RICTOR: variants seen among roughly 807,000 people sequenced by gnomAD.
RICTOR encodes RPTOR independent companion of MTOR complex 2, also known as rapamycin-insensitive companion of mTOR.
RICTOR carries 49 observed loss-of-function variants against 214.9 expected under a neutral mutation model. The ratio of observed to expected loss-of-function variants is 0.23; its 90% CI spans 0.18 to 0.29. The LOEUF is 0.29. Among genes scored for constraint, RICTOR ranks in the 10% least tolerant of loss-of-function variants. The pLI, the probability that RICTOR is intolerant of heterozygous loss-of-function variation, is 1.00. For synonymous variants in RICTOR, 717 were observed against 711.3 expected, an observed-to-expected ratio of 1.01 and a Z score of -0.13; for missense variants, 1,625 against 2,047.0, an observed-to-expected ratio of 0.79 and a Z score of 3.98.
chr5:39,037,999 T>G (rs537491548), intron 2 of RICTOR, among the ~76,000 whole-genome samples: 31 of 152,292 alleles, frequency 2.0e-4, no homozygotes, highest in African/African-American at 7.2e-4. Flanking sequence ...TACCAAAGCC[T>G]GGCAGAGACA....
Position 38,941,507 on chromosome 5 carries a change from A to G in RICTOR, c.*797T>C, listed in dbSNP as rs983332159. 5 of 231,366 alleles carry G rather than the reference A, an allele frequency of 2.2e-5. No individual in the cohort carries two copies. Among genetic ancestry groups the G allele is most frequent in the African/African-American group, 1.1e-4 (5 of 45,250 alleles). 14.3% of individuals were successfully genotyped at this position (231,366 alleles called of 1,614,324 possible). ...GAGATGGAAAGTTGATGAAAGTGGA[A>G]GTCCATTGCAAATATATGCATTCTA... is the stretch of plus-strand genomic sequence containing the variant. On this transcript the variant is annotated 3_prime_UTR_variant, in exon 38 of 38. Transcript: ENST00000357387.
Position 38,950,700 on chromosome 5 carries a change from C to T in RICTOR, c.3148G>A (p.Asp1050Asn). The change falls in exon 31 of 38, where the codon GAC becomes AAC. Residue 1050 changes from aspartate (D) to asparagine (N), a missense_variant. Asp to Asn is a conservative substitution (Grantham distance 23). This residue lies in a region of RICTOR where 1,214 missense variants were observed against 1,470.5 expected (regional missense o/e 0.83). Coordinates refer to ENST00000357387, the MANE Select transcript of RICTOR (RefSeq NM_152756.5). ...VPSSMFILED[D>N]RFGSSSTSTF... ...CTAGTAGAGCTGCTGCCAAACCGGT[C>T]ATCCTCCAATATGAACATACCTATG... 1.3e-6 allele frequency: 2 copies of T among 1,598,612 alleles called. No individual in the cohort carries two copies. Among genetic ancestry groups the T allele is most frequent in the Non-Finnish European group, 1.7e-6 (2 of 1,172,764 alleles).
At chr5:39,061,040 C>T (rs1758507329) in intron 2 of RICTOR, among the ~76,000 whole-genome samples, 1 of 152,068 alleles carries the variant, frequency 6.6e-6, no homozygotes, top group Non-Finnish European at 1.5e-5. Context: ...CACTCCCCAA[C>T]ATACATTATT....
At chr5:39,046,727 G>C (rs1439782015) in intron 2 of RICTOR, among the ~76,000 whole-genome samples, 1 of 151,656 alleles carries the variant, frequency 6.6e-6, no homozygotes, top group Non-Finnish European at 1.5e-5. Flanking sequence ...CTTATGACTT[G>C]GTTTAAAGAT....
chr5:38,971,976 G>GAA lies in RICTOR; in HGVS notation c.890-19_890-18dup. On this transcript the variant is annotated splice_polypyrimidine_tract_variant and intron_variant, in intron 10 of 37. Transcript: ENST00000357387. The stretch of plus-strand genomic sequence containing the variant: ...TAATAATACCTAAAGAGGACAGAAA[G>GAA]AAAAAAAAATCACTGACATGAATTT... 2 of 1,115,712 alleles carry GAA rather than the reference G, an allele frequency of 1.8e-6. No individual in the cohort carries two copies. The highest frequency in any genetic ancestry group is 1.6e-5 in the African/African-American group (1 of 62,578). The allele number at this position is 1,115,712 out of a possible 1,614,324, so 69.1% of individuals were successfully genotyped here.
intron 2 of RICTOR, among the ~76,000 whole-genome samples, chr5:39,046,038 A>AATAAATAAATAC (rs1757470258): frequency 6.7e-6 from 1 of 149,760 alleles, no homozygotes. Context: ...AAAATAAATA[A>AATAAATAAATAC]ATAAATAAAT....
chr5:39,067,068 C>T (rs563822099), intron 2 of RICTOR, among the ~76,000 whole-genome samples: 24 of 152,308 alleles, frequency 1.6e-4, no homozygotes, highest in Admixed American at 4.6e-4. Flanking sequence ...CAATGCTCCA[C>T]GCCCACTTAC....
At chr5:39,000,635 C>T (rs568552437) in intron 5 of RICTOR, among the ~76,000 whole-genome samples, 14 of 151,772 alleles carry the variant, frequency 9.2e-5, no homozygotes, top group Non-Finnish European at 2.1e-4. Flanking sequence ...TATTCTAACT[C>T]ATGTAGTAAG....
At position 38,944,945 on chromosome 5, in the gene RICTOR, G is replaced by A. The variant is rs746454256; in HGVS notation, c.4757C>T (p.Ala1586Val). The change falls in exon 35 of 38, where the codon GCT becomes GTT. Residue 1586 changes from alanine (A) to valine (V), a missense_variant. By Grantham distance (64) the Ala-to-Val change is moderately conservative. Transcript: ENST00000357387. The part of the protein sequence containing the change: ...CSDGVSQEGS[A>V]SSTKSTELLL... Reference sequence around the variant, plus strand: ...CAATTCTGTGCTTTTGGTGCTGCTAGCTGAGCCTTCTTGAGACACCCCATC... The same window carrying A: ...CAATTCTGTGCTTTTGGTGCTGCTAACTGAGCCTTCTTGAGACACCCCATC... 8 of 1,613,870 alleles carry A rather than the reference G, an allele frequency of 5.0e-6. No homozygotes were observed. In the South Asian group the frequency reaches 8.8e-5, roughly 18 times the overall value.
chr5:39,002,220 GAGA>G (rs1753693305), intron 5 of RICTOR, among the ~76,000 whole-genome samples: 1 of 147,876 alleles, frequency 6.8e-6, no homozygotes, highest in Non-Finnish European at 1.5e-5. Flanking sequence ...AGATAATAAT[GAGA>G]AGAAGAAAGA....
At chr5:39,053,572 A>G (rs756675380) in intron 2 of RICTOR, among the ~76,000 whole-genome samples, 21 of 152,338 alleles carry the variant, frequency 1.4e-4, no homozygotes, top group Non-Finnish European at 2.9e-4. Context: ...TATTAAATAA[A>G]TGTTTATTAA....
rs1747270466 is a variant in RICTOR, at chr5:38,939,236, T to C, written c.*3068A>G. 4.3e-6 allele frequency: 1 copy of C among 232,866 alleles called. No individual in the cohort carries two copies. Among genetic ancestry groups the C allele is most frequent in the Admixed American group, 5.6e-5 (1 of 17,766 alleles). 14.4% of individuals were successfully genotyped at this position (232,866 alleles called of 1,614,324 possible). On this transcript the variant is annotated 3_prime_UTR_variant, in exon 38 of 38. Transcript: ENST00000357387. Reference sequence around the variant, plus strand: ...CATTGATATCCCACTGCTGAACACTTGGCCGTTGTGATATGCCCTGAAAAA... The same window carrying C: ...CATTGATATCCCACTGCTGAACACTCGGCCGTTGTGATATGCCCTGAAAAA...
chr5:39,003,467 T>C, intron 4 of RICTOR, 91 bp downstream of exon 4: 1 of 781,770 alleles, frequency 1.3e-6, no homozygotes, highest in Non-Finnish European at 2.2e-6. Flanking sequence ...AAATATGAGG[T>C]GCTGTATTAT....
intron 2 of RICTOR, among the ~76,000 whole-genome samples, chr5:39,045,254 T>C (rs1757410599): frequency 6.6e-6 from 1 of 152,168 alleles, no homozygotes; most frequent in South Asian, 2.1e-4. Flanking sequence ...CAGAAATGAC[T>C]ATCATTCAAA....
intron 2 of RICTOR, among the ~76,000 whole-genome samples, chr5:39,049,805 A>G (rs1757727164): frequency 6.6e-6 from 1 of 152,188 alleles, no homozygotes; most frequent in South Asian, 2.1e-4. Flanking sequence ...TAATGAACGA[A>G]GAAAGACCTA....
chr5:38,981,680 A>C, intron 8 of RICTOR, 187 bp downstream of exon 8: 7 of 449,186 alleles, frequency 1.6e-5, no homozygotes, highest in Non-Finnish European at 2.7e-5. Context: ...AAATATTCTT[A>C]AGAGTAATGT....
intron 2 of RICTOR, among the ~76,000 whole-genome samples, chr5:39,045,551 A>C (rs1362609541): frequency 6.6e-6 from 1 of 152,160 alleles, no homozygotes; most frequent in African/African-American, 2.4e-5. Context: ...ATAAGAGAAA[A>C]AAATCAGTTT....
At chr5:38,949,546 C>A in intron 31 of RICTOR, 166 bp downstream of exon 31, 2 of 1,057,624 alleles carry the variant, frequency 1.9e-6, no homozygotes, top group South Asian at 1.6e-5. Flanking sequence ...TGCAAGAATC[C>A]ATTTCAAGTC....
chr5:38,941,388 T>C lies in RICTOR; in HGVS notation c.*916A>G, dbSNP rs878992591. ...AATGTGTAAATTGCAAGCAAACTTA[T>C]CTTTTCCTCAGGAGATCCAAAGTAT... On this transcript the variant is annotated 3_prime_UTR_variant, in exon 38 of 38. Transcript: ENST00000357387. 4 of 231,966 alleles carry C rather than the reference T, an allele frequency of 1.7e-5. No homozygotes were observed. The highest frequency in any genetic ancestry group is 2.6e-5 in the Non-Finnish European group (3 of 117,088). 14.4% of individuals were successfully genotyped at this position (231,966 alleles called of 1,614,324 possible).
Sources: gnomAD v4.1 joint callset for allele counts (sites outside exome capture counted in the v4.1 genomes callset) on GRCh38, gnomAD v4.1.1 for gene constraint, gnomAD v4.1.1 regional missense constraint, MANE v1.5 for transcripts, NCBI Gene and HGNC (gene_info 2026-07-23, HGNC 2026-07-21) for gene names.